CNTLN: variants seen among roughly 807,000 people sequenced by gnomAD.
CNTLN encodes the protein centlein.
Under a neutral mutation model 180.0 loss-of-function variants are expected in CNTLN, and 212 were observed. The observed-to-expected ratio is 1.18, with a 90% CI of 1.05 to 1.32. The LOEUF is 1.32. Among genes scored for constraint, CNTLN ranks in the 40% most tolerant of loss-of-function variants. The probability of loss-of-function intolerance (pLI) is 0.00; values close to 1 mark genes in which losing one functional copy is unlikely to be tolerated. For synonymous variants in CNTLN, 722 were observed against 563.1 expected (o/e 1.28, Z -3.99); for missense variants, 2,095 against 1,610.9 (o/e 1.30, Z -5.14).
chr9:17,513,043 A>C, the CNTLN span, among the ~76,000 whole-genome samples: 1 of 151,752 alleles, frequency 6.6e-6, no homozygotes, highest in Admixed American at 6.6e-5. Flanking sequence ...ATGGTCTCAA[A>C]CTCCTGACCT....
chr9:17,315,180 G>A (rs1367998899), intron 8 of CNTLN, among the ~76,000 whole-genome samples: 1 of 151,998 alleles, frequency 6.6e-6, no homozygotes, highest in Non-Finnish European at 1.5e-5. Flanking sequence ...TCATCTCACA[G>A]TGAATTCTCT....
At chr9:17,491,038 T>C (rs1015300641) in intron 25 of CNTLN, among the ~76,000 whole-genome samples, 11 of 152,076 alleles carry the variant, frequency 7.2e-5, no homozygotes, top group African/African-American at 1.2e-4. Context: ...AGGAGTCAGT[T>C]TTTTAAACTT....
chr9:17,423,102 G>T (rs190433145), intron 18 of CNTLN, among the ~76,000 whole-genome samples: 2 of 152,170 alleles, frequency 1.3e-5, no homozygotes, highest in Non-Finnish European at 2.9e-5. Flanking sequence ...GGGTTGCCTG[G>T]AGTTGGGAGA....
At chr9:17,301,031 A>G (rs1818307853) in intron 7 of CNTLN, 4 of 985,228 alleles carry the variant, frequency 4.1e-6, no homozygotes, top group Non-Finnish European at 4.8e-6. Flanking sequence ...GTAGAGGGAA[A>G]TATGGGAGCA....
intron 6 of CNTLN, among the ~76,000 whole-genome samples, chr9:17,276,969 G>A (rs577582174): frequency 6.6e-6 from 1 of 152,030 alleles, no homozygotes; most frequent in African/African-American, 2.4e-5. Context: ...GTACATGTCT[G>A]TAATCTGTAT....
chr9:17,499,964 T>G (rs997061067), intron 25 of CNTLN, among the ~76,000 whole-genome samples: 1 of 152,150 alleles, frequency 6.6e-6, no homozygotes, highest in Non-Finnish European at 1.5e-5. Flanking sequence ...AATAAAAATT[T>G]TAAATCTCAC....
chr9:17,357,439 T>C (rs1822938063), intron 12 of CNTLN, among the ~76,000 whole-genome samples: 1 of 151,562 alleles, frequency 6.6e-6, no homozygotes, highest in Admixed American at 6.6e-5. Context: ...TCAATGTTTA[T>C]CCCTTAGGTT....
At chr9:17,454,688 G>A (rs1461219949) in intron 18 of CNTLN, among the ~76,000 whole-genome samples, 8 of 152,160 alleles carry the variant, frequency 5.3e-5, no homozygotes, top group African/African-American at 2.4e-5. Context: ...AATCACAGAC[G>A]TTTTAAGATT....
chr9:17,335,604 C>G (rs549902026), intron 10 of CNTLN, among the ~76,000 whole-genome samples: 26 of 152,136 alleles, frequency 1.7e-4, no homozygotes, highest in African/African-American at 5.5e-4. Flanking sequence ...TTCCTGTTTT[C>G]TATTTCCTAA....
intron 12 of CNTLN, among the ~76,000 whole-genome samples, chr9:17,365,993 T>G (rs1240592829): frequency 6.6e-6 from 1 of 152,168 alleles, no homozygotes; most frequent in Non-Finnish European, 1.5e-5. Context: ...ATTTTTAAAA[T>G]TATATAGTCT....
At chr9:17,260,743 A>C (rs1247800641) in intron 5 of CNTLN, among the ~76,000 whole-genome samples, 3 of 151,326 alleles carry the variant, frequency 2.0e-5, no homozygotes, top group Non-Finnish European at 4.4e-5. Context: ...TGATGTCTTC[A>C]TCATAAAATC....
At chr9:17,451,379 G>A (rs1156524431) in intron 18 of CNTLN, among the ~76,000 whole-genome samples, 4 of 152,180 alleles carry the variant, frequency 2.6e-5, no homozygotes, top group African/African-American at 9.6e-5. Context: ...TTATGAGAAT[G>A]TAAATGAACT....
intron 23 of CNTLN, among the ~76,000 whole-genome samples, chr9:17,469,525 G>A (rs1454832660): frequency 6.6e-6 from 1 of 151,728 alleles, no homozygotes; most frequent in Non-Finnish European, 1.5e-5. Flanking sequence ...GAAATGCTTA[G>A]GACCCACCAT....
intron 18 of CNTLN, among the ~76,000 whole-genome samples, chr9:17,451,557 A>G (rs971729037): frequency 5.9e-5 from 9 of 152,270 alleles, no homozygotes; most frequent in Admixed American, 5.9e-4. Context: ...AAACTCGGAG[A>G]GTACATTATT....
At position 17,178,115 on chromosome 9, in the gene CNTLN, T is replaced by C. The variant is rs1329706004; in HGVS notation, c.449+34739T>C. Among the ~76,000 whole-genome samples the C allele has an allele frequency of 1.3e-5, 2 of 151,422 alleles. 1 individual carries two copies. The highest frequency in any genetic ancestry group is 2.9e-5 in the Non-Finnish European group (2 of 67,946). On this transcript the variant is annotated intron_variant, in intron 2 of 25. Transcript: ENST00000380647. ...GAGCTAGATACAGAGTGCTGATTGG[T>C]GTATTTACAATATCTTAGCTAGACA...
In CNTLN at chr9:17,334,763, G is replaced by A. The variant is rs144335407; in HGVS notation, c.1644+2033G>A. ...TGGGAACAGTAGACACTAAAGAACT[G>A]CAAAAGGAAGGGAGCAAGGGCTATA... On this transcript the variant is annotated intron_variant, in intron 10 of 25. Transcript: ENST00000380647. Among the ~76,000 whole-genome samples the A allele has an allele frequency of 3.9e-3, 600 of 152,204 alleles. 16 individuals carry two copies. Among genetic ancestry groups the A allele is most frequent in the Admixed American group, 0.031 (477 of 15,288 alleles).
chr9:17,158,255 A>G (rs1466421598), intron 2 of CNTLN, among the ~76,000 whole-genome samples: 1 of 152,126 alleles, frequency 6.6e-6, no homozygotes, highest in Non-Finnish European at 1.5e-5. Context: ...ATTCTTGGTC[A>G]TGGTATATAA....
intron 13 of CNTLN, among the ~76,000 whole-genome samples, chr9:17,369,549 A>G (rs538544875): frequency 1.3e-5 from 2 of 152,020 alleles, no homozygotes; most frequent in East Asian, 3.9e-4. Flanking sequence ...TCAGAATTCT[A>G]TCAGAGAAAT....
chr9:17,219,541 A>G (rs1823992906), intron 2 of CNTLN, among the ~76,000 whole-genome samples: 1 of 151,788 alleles, frequency 6.6e-6, no homozygotes, highest in South Asian at 2.1e-4. Context: ...TCAATTTTGG[A>G]GGTTTTTGGT....
Sources: allele counts gnomAD v4.1 joint callset (sites outside exome capture counted in the v4.1 genomes callset), GRCh38; gene constraint gnomAD v4.1.1; transcripts MANE v1.5; gene names NCBI Gene and HGNC (gene_info 2026-07-23, HGNC 2026-07-21).